The following SLC44A4 variants were observed in gnomAD, a reference collection of about 807,000 sequenced individuals.
SLC44A4 encodes solute carrier family 44 member 4, also known as choline transporter-like protein 4.
A neutral mutation model predicts 97.0 loss-of-function variants in SLC44A4; 74 were observed. The observed-to-expected ratio is 0.76, with a 90% CI of 0.63 to 0.93. SLC44A4 has a LOEUF of 0.93. Ranked by LOEUF, SLC44A4 falls within the 40% of genes least tolerant of loss-of-function variation. SLC44A4 has a pLI of 0.00. For synonymous variants in SLC44A4, 325 were observed against 363.8 expected (o/e 0.89, Z 1.21); for missense variants, 799 against 902.9 (o/e 0.88, Z 1.48).
At chr6:31,871,154 G>A in intron 9 of SLC44A4, 107 bp from the exon 10 acceptor site, 1 of 1,272,494 alleles carries the variant, frequency 7.9e-7, no homozygotes, top group Non-Finnish European at 1.1e-6. Flanking sequence ...CCCCAGATTA[G>A]GCCTCTTTCC....
At chr6:31,870,028 G>A (rs1239515722) in intron 11 of SLC44A4, among the ~76,000 whole-genome samples, 1 of 152,000 alleles carries the variant, frequency 6.6e-6, no homozygotes, top group East Asian at 1.9e-4. Context: ...CCCTCACTGG[G>A]GCCTGCCCCA....
Position 31,874,353 on chromosome 6 carries a change from C to T in SLC44A4, c.529+107G>A. The T allele has an allele frequency of 7.8e-7, 1 of 1,285,308 alleles. No homozygotes were observed. Among genetic ancestry groups the T allele is most frequent in the Admixed American group, 1.9e-5 (1 of 52,188 alleles). 79.6% of individuals were successfully genotyped at this position (1,285,308 alleles called of 1,614,324 possible). A position where few individuals can be genotyped will look rare whatever the true frequency, so the allele number is the denominator to read the frequency against. Reference sequence around the variant, plus strand: ...AGACCTGATGCTAATTCCAATTTTGCCACCAACAAGCTATGTGACTTCACT... The same window carrying T: ...AGACCTGATGCTAATTCCAATTTTGTCACCAACAAGCTATGTGACTTCACT... On this transcript the variant is annotated intron_variant, in intron 7 of 20. Transcript: ENST00000229729. This position sits in a 1 kb window ranked among gnomAD's most constrained non-coding sequence, Gnocchi z 4.8.
At position 31,869,546 on chromosome 6, in the gene SLC44A4, G is replaced by C; in HGVS notation, c.1129C>G (p.Leu377Val). 3 of 1,599,648 alleles carry C rather than the reference G, an allele frequency of 1.9e-6. No homozygotes were observed. The South Asian group carries it at 3.4e-5, about 18-fold the overall frequency. ...GCTGGCTGCGTGGGCAGAGGATACAGAGCAGTCATGGCCCAGTAGGCAATG... is the reference window on the plus strand; with the variant it reads ...GCTGGCTGCGTGGGCAGAGGATACACAGCAGTCATGGCCCAGTAGGCAATG... Reference protein sequence around the residue: ...ICIAYWAMTALYLATSGQPQY... With the variant: ...ICIAYWAMTAVYLATSGQPQY... The change falls in exon 12 of 21, where the codon CTG (leucine) becomes GTG (valine). Residue 377 changes from leucine to valine, a missense_variant and splice_region_variant. Leu to Val is a conservative substitution (Grantham distance 32, BLOSUM62 1). This residue lies in a region of SLC44A4 where 379 missense variants were observed against 438.3 expected (regional missense o/e 0.86). Transcript: ENST00000229729.
Position 31,863,462 on chromosome 6 carries a change from G to T in SLC44A4, c.*165C>A, listed in dbSNP as rs1762660444. ...GGCTGGTCTCGAACTCCTGACTCAG[G>T]TGATCCGCCCGCCTCAGCCTCTCAA... On this transcript the variant is annotated 3_prime_UTR_variant, in exon 21 of 21. Transcript: ENST00000229729. 1.0e-6 allele frequency: 1 copy of T among 982,732 alleles called. No homozygotes were observed. The highest frequency in any genetic ancestry group is 2.8e-4 in the Middle Eastern group (1 of 3,592). 60.9% of individuals were successfully genotyped at this position (982,732 alleles called of 1,614,324 possible).
At chr6:31,866,249 G>A (rs2151555569) in intron 13 of SLC44A4, 123 bp from the exon 14 acceptor site, 3 of 1,257,954 alleles carry the variant, frequency 2.4e-6, no homozygotes, top group South Asian at 1.4e-5. Flanking sequence ...TAGCTTCTCT[G>A]GACTGCGGGA....
Position 31,877,660 on chromosome 6 carries a change from T to C in SLC44A4, c.41-578A>G. On this transcript the variant is annotated intron_variant, in intron 1 of 20. Coordinates refer to ENST00000229729, the MANE Select transcript of SLC44A4 (RefSeq NM_025257.3). The surrounding 1 kb of genome is among the most constrained non-coding windows in gnomAD (Gnocchi z 6.5). ...GCGGCCCTGTACATCCTCACTCTGG[T>C]GGGACCTCAGTCCCCTGGCCACAGT... 1.0e-6 allele frequency: 1 copy of C among 985,384 alleles called. No individual in the cohort carries two copies. The highest frequency in any genetic ancestry group is 1.2e-6 in the Non-Finnish European group (1 of 829,824). 61.0% of individuals were successfully genotyped at this position (985,384 alleles called of 1,614,324 possible).
Position 31,869,268 on chromosome 6 carries a change from G to A in SLC44A4, c.1131-11C>T, listed in dbSNP as rs1163513882. On this transcript the variant is annotated splice_polypyrimidine_tract_variant and intron_variant, in intron 12 of 20. Transcript: ENST00000229729. ...GATGTAGCCAGGTACCCAGAGGGGAGTCAAGGAAAGCATGATCACACGAGG... is the reference window on the plus strand; with the variant it reads ...GATGTAGCCAGGTACCCAGAGGGGAATCAAGGAAAGCATGATCACACGAGG... 3.1e-6 allele frequency: 5 copies of A among 1,590,898 alleles called. No homozygotes were observed. Among genetic ancestry groups the A allele is most frequent in the Non-Finnish European group, 4.3e-6 (5 of 1,167,092 alleles).
intron 13 of SLC44A4, 42 bp from the exon 14 acceptor site, chr6:31,866,168 G>T: frequency 6.2e-7 from 1 of 1,604,118 alleles, no homozygotes; most frequent in Non-Finnish European, 8.5e-7. Context: ...AGGCATCGGG[G>T]GCCTCAGTAT....
At chr6:31,869,984 CAA>C (rs35993960) in intron 11 of SLC44A4, among the ~76,000 whole-genome samples, 88,079 of 142,504 alleles carry the variant, frequency 0.62, 26,704 homozygotes, top group Middle Eastern at 0.78. Context: ...GACTCCGTCT[CAA>C]AAAAAAAAAA....
At position 31,871,388 on chromosome 6, in the gene SLC44A4, A is replaced by C. The variant is rs893076103; in HGVS notation, c.627T>G (p.Ile209Met). 1.2e-6 allele frequency: 2 copies of C among 1,614,174 alleles called. No individual in the cohort carries two copies. The highest frequency in any genetic ancestry group is 1.7e-6 in the Non-Finnish European group (2 of 1,180,028). Reference sequence around the variant, plus strand: ...TGATGTCTCGGGCATTGAGGCTGTCAATAAGACCGCTGTTGGGGAGACAGA... The same window carrying C: ...TGATGTCTCGGGCATTGAGGCTGTCCATAAGACCGCTGTTGGGGAGACAGA... ...TTIQQGISGL[I>M]DSLNARDISV... Residue 209 changes from isoleucine (I) to methionine (M), a missense_variant, in exon 9 of 21, where the codon ATT becomes ATG. Coordinates refer to ENST00000229729, the MANE Select transcript of SLC44A4 (RefSeq NM_025257.3).
chr6:31,865,247 C>A lies in SLC44A4; in HGVS notation c.1760+68G>T. 2.5e-6 allele frequency: 4 copies of A among 1,588,912 alleles called. No individual in the cohort carries two copies. Among genetic ancestry groups the A allele is most frequent in the African/African-American group, 1.3e-5 (1 of 74,490 alleles). On this transcript the variant is annotated intron_variant, in intron 17 of 20. Coordinates refer to ENST00000229729, the MANE Select transcript of SLC44A4 (RefSeq NM_025257.3). This position sits in a 1 kb window ranked among gnomAD's most constrained non-coding sequence, Gnocchi z 5.2. ...CTAGGGCCCGACTGAGCACAGCACA[C>A]CCACGAAGCCAGCCTTGGGTGGGAG...
rs143476041 is a variant in SLC44A4 at position 31,865,323 on chromosome 6, G to A, written c.1752C>T (p.Asn584=). Residue 584 remains asparagine, a synonymous_variant, in exon 17 of 21, where the codon AAC becomes AAT. Transcript: ENST00000229729. The surrounding 1 kb of genome is among the most constrained non-coding windows in gnomAD (Gnocchi z 5.2). ...AKNAFMLLMR[N]IVRVVVLDKV... ...GGGGGGAGCAGCCTAACCTGACAAT[G>A]TTTCGCATGAGTAGCATGAACGCAT... 52 of 1,614,020 alleles carry A rather than the reference G, an allele frequency of 3.2e-5. No homozygotes were observed. In the African/African-American group the frequency reaches 6.1e-4, roughly 19 times the overall value.
chr6:31,876,596 T>TG lies in SLC44A4; in HGVS notation c.89+437dup, dbSNP rs1763456600. On this transcript the variant is annotated intron_variant, in intron 2 of 20. Coordinates refer to ENST00000229729, the MANE Select transcript of SLC44A4 (RefSeq NM_025257.3). This position sits in a 1 kb window ranked among gnomAD's most constrained non-coding sequence, Gnocchi z 4.8. ...AGATCCCATCTCAAAGAAATTAGCC[T>TG]GGTGTGATGGTGCATGCCTGTAGTC... Among the ~76,000 whole-genome samples, 1 of 152,100 alleles carries TG rather than the reference T, an allele frequency of 6.6e-6. No individual in the cohort carries two copies. The highest frequency in any genetic ancestry group is 1.5e-5 in the Non-Finnish European group (1 of 68,010).
rs368415510 is a variant in SLC44A4, at chr6:31,869,119, A to G, written c.1233+36T>C. 562 of 1,546,782 alleles carry G rather than the reference A, an allele frequency of 3.6e-4. 12 individuals carry two copies. The highest frequency in any genetic ancestry group is 3.2e-3 in the South Asian group (266 of 82,480). On this transcript the variant is annotated intron_variant, in intron 13 of 20. Transcript: ENST00000229729. The stretch of plus-strand genomic sequence containing the variant: ...GTGGCCCCTACAGCCCCTCACCCCT[A>G]CTAGTCCCGCCTCCATGTCCCCTGC...
Position 31,865,957 on chromosome 6 carries a change from G to T in SLC44A4, c.1403C>A (p.Ala468Asp). The change falls in exon 14 of 21, where the codon GCC (alanine) becomes GAC (aspartate). Residue 468 changes from alanine (A) to aspartate (D), a missense_variant. By Grantham distance (126) the Ala-to-Asp change is moderately radical. Transcript: ENST00000229729. The surrounding 1 kb of genome is among the most constrained non-coding windows in gnomAD (Gnocchi z 5.2). ...LALGQCVLAG[A>D]FASFYWAFHK... ...GAAGGCCCAGTAGAAGGAGGCAAAGGCTCCAGCGAGGACGCATTGGCCCAG... is the reference window on the plus strand; with the variant it reads ...GAAGGCCCAGTAGAAGGAGGCAAAGTCTCCAGCGAGGACGCATTGGCCCAG... The T allele has an allele frequency of 6.2e-7, 1 of 1,614,208 alleles. No individual in the cohort carries two copies. Among genetic ancestry groups the T allele is most frequent in the Non-Finnish European group, 8.5e-7 (1 of 1,180,036 alleles).
intron 4 of SLC44A4, 105 bp from the exon 5 acceptor site, chr6:31,875,133 G>T (rs369571638): frequency 1.1e-6 from 1 of 871,070 alleles, no homozygotes; most frequent in East Asian, 2.5e-5. Flanking sequence ...CCAGCCCAGC[G>T]TGGCCCATAC....
intron 4 of SLC44A4, 68 bp downstream of exon 4, chr6:31,875,784 G>A (rs578040990): frequency 1.5e-6 from 2 of 1,358,298 alleles, no homozygotes; most frequent in Admixed American, 1.9e-5. Context: ...AGCCTGAGTT[G>A]GGGGGGTGTC....
chr6:31,869,099 C>T, intron 13 of SLC44A4, 56 bp downstream of exon 13: 1 of 1,404,966 alleles, frequency 7.1e-7, no homozygotes, highest in Non-Finnish European at 9.8e-7. Flanking sequence ...GGAATGTGGC[C>T]CCTACAGCCC....
At chr6:31,875,959 G>A in intron 3 of SLC44A4, 29 bp from the exon 4 acceptor site, 1 of 1,613,722 alleles carries the variant, frequency 6.2e-7, no homozygotes, top group Non-Finnish European at 8.5e-7. Context: ...ATGAGTCATT[G>A]GAGGGCAGGG....
Sources: allele counts gnomAD v4.1 joint callset (sites outside exome capture counted in the v4.1 genomes callset), GRCh38; gene constraint gnomAD v4.1.1; regional missense constraint gnomAD v4.1.1; non-coding constraint Gnocchi (gnomAD v3.1); transcripts MANE v1.5; gene names NCBI Gene and HGNC (gene_info 2026-07-23, HGNC 2026-07-21).